The following DNER variants were observed in gnomAD, a reference collection of about 807,000 sequenced individuals.
DNER encodes delta/notch like EGF repeat containing, also known as delta and Notch-like epidermal growth factor-related receptor.
In DNER, 33 loss-of-function variants were observed where a neutral mutation model predicts 78.2. That is an observed-to-expected ratio of 0.42 (90% CI 0.32 to 0.56). The LOEUF (loss-of-function observed/expected upper bound fraction) is 0.56, where lower values mean the gene tolerates loss of function less well. Ranked by LOEUF, DNER falls within the 20% of genes least tolerant of loss-of-function variation. The pLI is 0.11. For synonymous variants in DNER, 417 were observed against 384.8 expected, an observed-to-expected ratio of 1.08 and a Z score of -0.98; for missense variants, 918 against 975.3, an observed-to-expected ratio of 0.94 and a Z score of 0.78.
At chr2:229,389,979 T>C (rs912496477) in intron 10 of DNER, among the ~76,000 whole-genome samples, 1 of 152,212 alleles carries the variant, frequency 6.6e-6, no homozygotes, top group Non-Finnish European at 1.5e-5. Context: ...GGGCAATCAC[T>C]CTTAGTAGAA....
At chr2:229,646,320 C>T (rs1326690999) in intron 1 of DNER, among the ~76,000 whole-genome samples, 4 of 152,140 alleles carry the variant, frequency 2.6e-5, no homozygotes, top group Non-Finnish European at 5.9e-5. Context: ...ATAATAAAAT[C>T]GCCAAAAAAC....
intron 11 of DNER, among the ~76,000 whole-genome samples, chr2:229,380,008 C>T (rs73096295): frequency 0.029 from 4,465 of 152,290 alleles, 95 homozygotes; most frequent in African/African-American, 0.059. Flanking sequence ...AGGCCTATAA[C>T]AATTACACAC....
chr2:229,707,761 G>A (rs1210597782), intron 1 of DNER, among the ~76,000 whole-genome samples: 1 of 152,224 alleles, frequency 6.6e-6, no homozygotes, highest in African/African-American at 2.4e-5. Context: ...AAAACATGAG[G>A]AGTGATTCCC....
chr2:229,563,172 A>G (rs2154213656), intron 4 of DNER, among the ~76,000 whole-genome samples: 1 of 104,248 alleles, frequency 9.6e-6, no homozygotes, highest in African/African-American at 4.3e-5. Flanking sequence ...CACCATCATC[A>G]TCAACATCAT....
At chr2:229,496,814 T>C (rs2161076) in intron 6 of DNER, among the ~76,000 whole-genome samples, 2 of 152,008 alleles carry the variant, frequency 1.3e-5, no homozygotes, top group Non-Finnish European at 2.9e-5. Flanking sequence ...AGGCAAATAT[T>C]AATATATCTG....
At chr2:229,641,893 C>A (rs534068150) in intron 1 of DNER, among the ~76,000 whole-genome samples, 1 of 152,082 alleles carries the variant, frequency 6.6e-6, no homozygotes, top group Non-Finnish European at 1.5e-5. Context: ...TTATGGTATG[C>A]CCCGTGAAAT....
chr2:229,582,237 G>A (rs1387149860), intron 4 of DNER, among the ~76,000 whole-genome samples: 1 of 152,230 alleles, frequency 6.6e-6, no homozygotes, highest in East Asian at 1.9e-4. Context: ...CAAAAAGAGC[G>A]TTAAGCACAT....
intron 10 of DNER, among the ~76,000 whole-genome samples, chr2:229,390,551 T>C (rs1692991032): frequency 6.6e-6 from 1 of 152,218 alleles, no homozygotes; most frequent in Admixed American, 6.5e-5. Context: ...TGGGATCCAC[T>C]AGATTGGACG....
rs530817466 is a variant in DNER, at chr2:229,492,868, G to A, written c.1148-15615C>T. 2.6e-5 allele frequency among the ~76,000 whole-genome samples: 4 copies of A among 152,138 alleles called. No individual in the cohort carries two copies. In the East Asian group the frequency reaches 5.8e-4, roughly 22 times the overall value. On this transcript the variant is annotated intron_variant, in intron 6 of 12. Transcript: ENST00000341772. The stretch of plus-strand genomic sequence containing the variant: ...TTATTTTTCATAGAGACAGGATTTC[G>A]CTATGTTGCCCAGACTGGTCTCAAA...
At chr2:229,498,482 G>A (rs1209360472) in intron 6 of DNER, among the ~76,000 whole-genome samples, 1 of 152,148 alleles carries the variant, frequency 6.6e-6, no homozygotes, top group Admixed American at 6.5e-5. Flanking sequence ...AAGTTAGACT[G>A]TTTGCTGATG....
chr2:229,394,672 C>T lies in DNER; in HGVS notation c.1724-6276G>A, dbSNP rs374904412. Among the ~76,000 whole-genome samples, 449 of 152,264 alleles carry T rather than the reference C, an allele frequency of 2.9e-3. 1 individual carries two copies. The highest frequency in any genetic ancestry group is 0.02 in the South Asian group (97 of 4,822). On this transcript the variant is annotated intron_variant, in intron 10 of 12. Coordinates refer to ENST00000341772, the MANE Select transcript of DNER (RefSeq NM_139072.4). ...TGACTTTTAAGTGGGAGCCATCTGT[C>T]GCACTGCAGTAAGGAAGGATGGCGA...
chr2:229,460,961 G>C (rs1267347047), intron 7 of DNER, among the ~76,000 whole-genome samples: 1 of 152,054 alleles, frequency 6.6e-6, no homozygotes, highest in Non-Finnish European at 1.5e-5. Context: ...AAATATAGAA[G>C]TCTGCAAGTC....
At chr2:229,672,470 G>T (rs1177436537) in intron 1 of DNER, among the ~76,000 whole-genome samples, 7 of 151,368 alleles carry the variant, frequency 4.6e-5, no homozygotes, top group Admixed American at 3.3e-4. Flanking sequence ...AGAAAGGGAG[G>T]GATGGAGAGG....
chr2:229,370,106 T>C (rs770748681), intron 11 of DNER, among the ~76,000 whole-genome samples: 5 of 152,238 alleles, frequency 3.3e-5, no homozygotes, highest in Non-Finnish European at 5.9e-5. Flanking sequence ...ATCTTAGCTG[T>C]ATCTTCAGTC....
At chr2:229,542,465 A>T (rs2154213089) in intron 5 of DNER, among the ~76,000 whole-genome samples, 1 of 152,316 alleles carries the variant, frequency 6.6e-6, no homozygotes, top group East Asian at 1.9e-4. Flanking sequence ...AAAAGAAATG[A>T]GTTCCATTAC....
intron 1 of DNER, among the ~76,000 whole-genome samples, chr2:229,711,955 A>G (rs1699918669): frequency 6.6e-6 from 1 of 152,128 alleles, no homozygotes; most frequent in Non-Finnish European, 1.5e-5. Flanking sequence ...GAGATCATGA[A>G]CGATTAAATT....
chr2:229,443,075 G>A (rs1013191210), intron 8 of DNER, among the ~76,000 whole-genome samples: 1 of 151,982 alleles, frequency 6.6e-6, no homozygotes, highest in Non-Finnish European at 1.5e-5. Flanking sequence ...TTGAAATGAT[G>A]AGCATCTTAG....
intron 5 of DNER, among the ~76,000 whole-genome samples, chr2:229,521,100 T>G (rs1696087062): frequency 6.6e-6 from 1 of 152,204 alleles, no homozygotes; most frequent in Non-Finnish European, 1.5e-5. Context: ...AAGACCTCTC[T>G]AAACCAGTTC....
chr2:229,453,584 C>T (rs755431869), intron 7 of DNER, among the ~76,000 whole-genome samples: 3 of 152,124 alleles, frequency 2.0e-5, no homozygotes, highest in Non-Finnish European at 4.4e-5. Flanking sequence ...AACTGTAGCT[C>T]TTGTGAGCAC....
Sources: gnomAD v4.1 joint callset for allele counts (sites outside exome capture counted in the v4.1 genomes callset) on GRCh38, gnomAD v4.1.1 for gene constraint, MANE v1.5 for transcripts, NCBI Gene and HGNC (gene_info 2026-07-23, HGNC 2026-07-21) for gene names.